The following APBB2 variants were observed in gnomAD, a reference collection of about 807,000 sequenced individuals.
APBB2 encodes the protein amyloid beta precursor protein binding family B member 2, also known as Fe65-like 1.
Under a neutral mutation model 82.5 loss-of-function variants are expected in APBB2, and 38 were observed. The observed-to-expected ratio is 0.46, with a 90% CI of 0.36 to 0.60. The LOEUF is 0.60. APBB2 is among the 20% of genes least tolerant of loss of function. APBB2 has a pLI of 0.00. For missense variants in APBB2, 772 were observed against 972.3 expected, an observed-to-expected ratio of 0.79 and a Z score of 2.74; for synonymous variants, 341 against 368.2, an observed-to-expected ratio of 0.93 and a Z score of 0.85.
chr4:41,171,091 T>C (rs1265574016), intron 1 of APBB2, among the ~76,000 whole-genome samples: 1 of 152,190 alleles, frequency 6.6e-6, no homozygotes, highest in Non-Finnish European at 1.5e-5. Flanking sequence ...CATGTAGGCT[T>C]GCCTCCAGAA....
At position 41,068,828 on chromosome 4, in the gene APBB2, G is replaced by C. The variant is rs182290090; in HGVS notation, c.-148-3155C>G. Among the ~76,000 whole-genome samples, 958 of 121,178 alleles carry C rather than the reference G, an allele frequency of 7.9e-3. 13 individuals are homozygous for C. The highest frequency in any genetic ancestry group is 0.03 in the African/African-American group (916 of 30,766). The allele number at this position is 121,178 out of a possible 152,430, so 79.5% of individuals were successfully genotyped here. A position where few individuals can be genotyped will look rare whatever the true frequency, so the allele number is the denominator to read the frequency against. The stretch of plus-strand genomic sequence containing the variant: ...TTTTTTTTTTTTGAGATGGAGTCTC[G>C]CTCTGTTGCCAGGCTGGAGTGCAGT... On this transcript the variant is annotated intron_variant, in intron 3 of 17. Transcript: ENST00000508593.
intron 10 of APBB2, among the ~76,000 whole-genome samples, chr4:40,919,640 T>C (rs994575396): frequency 1.3e-5 from 2 of 152,192 alleles, no homozygotes; most frequent in African/African-American, 2.4e-5. Context: ...GGTGACTCTG[T>C]CCACACAGCC....
chr4:41,141,316 G>GTGTGTGTGTGTGTGTC (rs959004248), intron 2 of APBB2, among the ~76,000 whole-genome samples: 1 of 31,008 alleles, frequency 3.2e-5, no homozygotes, highest in East Asian at 2.4e-3. Context: ...GTGTGTGTCT[G>GTGTGTGTGTGTGTGTC]TGTGTGTGTG....
intron 1 of APBB2, among the ~76,000 whole-genome samples, chr4:41,149,099 G>A (rs916758471): frequency 1.3e-5 from 2 of 151,912 alleles, no homozygotes; most frequent in South Asian, 2.1e-4. Flanking sequence ...TATGAAGGGC[G>A]CTCTGAGGTT....
rs539482318 is a variant in APBB2 at position 41,025,960 on chromosome 4, A to AG, written c.19+7275_19+7276insC. On this transcript the variant is annotated intron_variant, in intron 5 of 17. Coordinates refer to ENST00000508593, the MANE Select transcript of APBB2 (RefSeq NM_004307.2). Reference sequence around the variant, plus strand: ...CCATCTCCACAAAAAAAAAAAAAAAAAAAGAAAAAAAGGAAAATGTGGTAC... The same window carrying AG: ...CCATCTCCACAAAAAAAAAAAAAAAAGAAAGAAAAAAAGGAAAATGTGGTAC... 2.1e-3 allele frequency among the ~76,000 whole-genome samples: 311 copies of AG among 150,260 alleles called. 4 individuals carry two copies. Among genetic ancestry groups the AG allele is most frequent in the African/African-American group, 6.7e-3 (270 of 40,304 alleles).
intron 3 of APBB2, among the ~76,000 whole-genome samples, chr4:41,069,370 C>A (rs1733053090): frequency 6.6e-6 from 1 of 152,022 alleles, no homozygotes; most frequent in South Asian, 2.1e-4. Flanking sequence ...GGAAAGTATC[C>A]CAGTAATGCC....
At chr4:41,141,314 CTGTGTG>C (rs754627377) in intron 2 of APBB2, among the ~76,000 whole-genome samples, 1 of 27,638 alleles carries the variant, frequency 3.6e-5, no homozygotes. Context: ...ATGTGTGTGT[CTGTGTG>C]TGTGTGTGTG....
chr4:41,181,506 C>T (rs934178206), intron 1 of APBB2, among the ~76,000 whole-genome samples: 2 of 152,170 alleles, frequency 1.3e-5, no homozygotes, highest in Non-Finnish European at 2.9e-5. Flanking sequence ...GCAAGTGAAT[C>T]GCAGTAAACA....
Position 40,893,571 on chromosome 4 carries a change from G to A in APBB2, c.1255-160C>T, listed in dbSNP as rs150680425. Among the ~76,000 whole-genome samples the A allele has an allele frequency of 1.1e-4, 17 of 151,252 alleles. No individual in the cohort carries two copies. The East Asian group carries it at 3.3e-3, about 30-fold the overall frequency. On this transcript the variant is annotated intron_variant, in intron 10 of 17. Transcript: ENST00000508593. ...TAATTGAGTTAACAAATCCTCTATT[G>A]CTGGAAATTAAATTGTAACTATTTT... is the stretch of plus-strand genomic sequence containing the variant.
intron 10 of APBB2, among the ~76,000 whole-genome samples, chr4:40,932,213 T>C (rs1784381311): frequency 6.6e-6 from 1 of 152,246 alleles, no homozygotes; most frequent in East Asian, 1.9e-4. Flanking sequence ...AGATATTCAC[T>C]GCTCCTCTTC....
At chr4:41,163,872 A>C (rs966770165) in intron 1 of APBB2, among the ~76,000 whole-genome samples, 3 of 152,202 alleles carry the variant, frequency 2.0e-5, no homozygotes, top group Admixed American at 6.5e-5. Context: ...TATACTCCAA[A>C]ACCTCAAATA....
intron 4 of APBB2, among the ~76,000 whole-genome samples, chr4:41,052,082 C>T (rs1343717020): frequency 2.0e-5 from 3 of 152,088 alleles, no homozygotes; most frequent in African/African-American, 7.2e-5. Context: ...TAAAATCTCA[C>T]TTGGGCCAGG....
chr4:40,960,805 C>T (rs1395165289), intron 6 of APBB2, among the ~76,000 whole-genome samples: 1 of 151,950 alleles, frequency 6.6e-6, no homozygotes, highest in Non-Finnish European at 1.5e-5. Context: ...CCAGTCTTTC[C>T]TACAGCCATA....
intron 1 of APBB2, chr4:41,193,559 A>G (rs1775043192): frequency 6.1e-6 from 6 of 985,046 alleles, no homozygotes; most frequent in Non-Finnish European, 7.2e-6. Flanking sequence ...GAAACCAGGG[A>G]CTCCCCAAGG....
At chr4:41,065,960 T>A (rs557270731) in intron 3 of APBB2, among the ~76,000 whole-genome samples, 1 of 152,170 alleles carries the variant, frequency 6.6e-6, no homozygotes, top group East Asian at 1.9e-4. Context: ...CCATCAAAAG[T>A]CCAGGCAATC....
intron 6 of APBB2, among the ~76,000 whole-genome samples, chr4:40,950,857 T>G (rs761056547): frequency 1.9e-4 from 29 of 151,162 alleles, no homozygotes; most frequent in Non-Finnish European, 3.2e-4. Flanking sequence ...AAAAAATAAT[T>G]AAAAAAATTA....
chr4:40,918,884 TACAGGCATAAGCC>T (rs1458068418), intron 10 of APBB2, among the ~76,000 whole-genome samples: 3 of 152,096 alleles, frequency 2.0e-5, no homozygotes, highest in African/African-American at 7.2e-5. Flanking sequence ...GTGCTGGGAT[TACAGGCATAAGCC>T]ACCATGCCTG....
intron 6 of APBB2, among the ~76,000 whole-genome samples, chr4:40,993,548 C>T (rs1037090347): frequency 3.3e-5 from 5 of 151,586 alleles, no homozygotes; most frequent in African/African-American, 1.2e-4. Context: ...TCATACCCAG[C>T]TAATTTTTTG....
intron 10 of APBB2, among the ~76,000 whole-genome samples, chr4:40,921,035 T>C (rs1010174494): frequency 1.3e-5 from 2 of 152,184 alleles, no homozygotes; most frequent in African/African-American, 4.8e-5. Flanking sequence ...GAACCCTCTG[T>C]GCCTCGGCTC....
Sources: gnomAD v4.1 joint callset for allele counts (sites outside exome capture counted in the v4.1 genomes callset) on GRCh38, gnomAD v4.1.1 for gene constraint, MANE v1.5 for transcripts, NCBI Gene and HGNC (gene_info 2026-07-23, HGNC 2026-07-21) for gene names.